FETUB: variants seen among roughly 807,000 people sequenced by gnomAD.
FETUB encodes the protein fetuin-B.
FETUB carries 28 observed loss-of-function variants against 30.9 expected under a neutral mutation model. The observed-to-expected ratio is 0.90, with a 90% CI of 0.67 to 1.24. The LOEUF (loss-of-function observed/expected upper bound fraction) is 1.24. FETUB is among the 50% of genes most tolerant of loss of function. The pLI, the probability that FETUB is intolerant of heterozygous loss-of-function variation, is 0.00. For synonymous variants in FETUB, 186 were observed against 175.9 expected (o/e 1.06, Z -0.45); for missense variants, 469 against 455.3 (o/e 1.03, Z -0.27).
chr3:186,651,542 G>T (rs1289065461), intron 6 of FETUB: 3 of 499,156 alleles, frequency 6.0e-6, no homozygotes, highest in African/African-American at 1.9e-5. Context: ...TGCTGGCTTG[G>T]ATGTGATTCA....
intron 1 of FETUB, 30 bp downstream of exon 1, chr3:186,640,715 A>T (rs371851955): frequency 4.4e-6 from 7 of 1,580,372 alleles, no homozygotes; most frequent in Admixed American, 1.7e-5. Context: ...ACTCTGGGGC[A>T]GGGATGTGGG....
At chr3:186,640,238 G>A (rs1472265784), upstream of FETUB, 5 of 575,890 alleles carry the variant, frequency 8.7e-6, no homozygotes, top group Admixed American at 6.1e-5. Flanking sequence ...TCATTTGTAT[G>A]TACAGGTGGA....
At chr3:186,651,518 C>G in intron 6 of FETUB, 1 of 531,036 alleles carries the variant, frequency 1.9e-6, no homozygotes, top group Non-Finnish European at 3.4e-6. Flanking sequence ...AAGACAAATT[C>G]AGAAACAGGG....
intron 2 of FETUB, chr3:186,641,507 G>A (rs1438715538): frequency 6.3e-6 from 1 of 159,674 alleles, no homozygotes; most frequent in African/African-American, 2.4e-5. Context: ...TGGAGGTAGA[G>A]CTTTGTCTAT....
chr3:186,637,297 A>G (rs899040171), upstream of FETUB, among the ~76,000 whole-genome samples: 5 of 152,200 alleles, frequency 3.3e-5, no homozygotes, highest in Non-Finnish European at 5.9e-5. Context: ...AGAGAGAAAC[A>G]CAGCAACTAG....
chr3:186,641,794 T>C (rs1199629250), intron 2 of FETUB, among the ~76,000 whole-genome samples: 2 of 152,218 alleles, frequency 1.3e-5, no homozygotes, highest in African/African-American at 4.8e-5. Flanking sequence ...GATGTAAGTG[T>C]TTAGAAGAAA....
In FETUB at chr3:186,652,304, A is replaced by G; in HGVS notation, c.822A>G (p.Lys274=). The G allele has an allele frequency of 6.4e-7, 1 of 1,574,692 alleles. No individual in the cohort carries two copies. Among genetic ancestry groups the G allele is most frequent in the Non-Finnish European group, 8.6e-7 (1 of 1,167,142 alleles). ...GTGAAAACTCTGCTGTTAACCAGAAACCTACAAACCTTCCCAAGGTGGAAG... is the reference window on the plus strand; with the variant it reads ...GTGAAAACTCTGCTGTTAACCAGAAGCCTACAAACCTTCCCAAGGTGGAAG... ...TGSENSAVNQ[K]PTNLPKVEES... The change falls in exon 7 of 7, where the codon AAA becomes AAG. Residue 274 remains lysine, a synonymous_variant. Transcript: ENST00000265029.
upstream of FETUB, among the ~76,000 whole-genome samples, chr3:186,636,518 G>A (rs1176461868): frequency 6.6e-6 from 1 of 152,150 alleles, no homozygotes; most frequent in East Asian, 1.9e-4. Flanking sequence ...AGGCAGATTT[G>A]CCCTAAGAAT....
chr3:186,641,104 A>G lies in FETUB; in HGVS notation c.300A>G (p.Ala100=), dbSNP rs1717017528. ...ACTGCCATGTGCTCAGAAAGAAGGC[A>G]TGGCAAGACTGTGGAATGAGGATAT... ...ETDCHVLRKK[A]WQDCGMRIFF... The change falls in exon 2 of 7, where the codon GCA becomes GCG. Residue 100 remains alanine (A), a synonymous_variant. Coordinates refer to ENST00000265029, the MANE Select transcript of FETUB (RefSeq NM_014375.3). The G allele has an allele frequency of 6.2e-6, 10 of 1,613,816 alleles. No homozygotes were observed. Among genetic ancestry groups the G allele is most frequent in the Non-Finnish European group, 8.5e-6 (10 of 1,179,702 alleles).
chr3:186,647,938 A>G (rs1465042542), intron 5 of FETUB, among the ~76,000 whole-genome samples: 1 of 152,144 alleles, frequency 6.6e-6, no homozygotes, highest in African/African-American at 2.4e-5. Context: ...CAAGATTTAC[A>G]TGTGTAAAAA....
At chr3:186,649,463 G>T (rs572668167) in intron 5 of FETUB, among the ~76,000 whole-genome samples, 7 of 151,806 alleles carry the variant, frequency 4.6e-5, no homozygotes, top group Admixed American at 1.3e-4. Context: ...GGTGGTTTTT[G>T]TTTTTTGTTT....
chr3:186,644,951 C>T lies in FETUB; in HGVS notation c.594+31C>T, dbSNP rs375848987. On this transcript the variant is annotated intron_variant, in intron 4 of 6. Transcript: ENST00000265029. ...GCTAAAACTGCCCAAGCCAGTTACA[C>T]AGTGTGTCTCATAACTGTTGCTGTA... The T allele has an allele frequency of 3.2e-6, 5 of 1,566,822 alleles. No individual in the cohort carries two copies. The African/African-American group carries it at 6.8e-5, about 21-fold the overall frequency.
At chr3:186,644,042 A>T (rs1027341832) in intron 3 of FETUB, among the ~76,000 whole-genome samples, 10 of 152,174 alleles carry the variant, frequency 6.6e-5, no homozygotes, top group Admixed American at 5.2e-4. Flanking sequence ...ATATAGTGAT[A>T]TTTCCATATA....
rs148071644 is a variant in FETUB at position 186,652,512 on chromosome 3, C to T, written c.1030C>T (p.Leu344Phe). 6.2e-7 allele frequency: 1 copy of T among 1,614,078 alleles called. No homozygotes were observed. Among genetic ancestry groups the T allele is most frequent in the African/African-American group, 1.3e-5 (1 of 74,922 alleles). The change falls in exon 7 of 7, where the codon CTC (leucine) becomes TTC (phenylalanine). Residue 344 changes from leucine to phenylalanine, a missense_variant. Physicochemically the swap from Leu to Phe is conservative, Grantham distance 22. Coordinates refer to ENST00000265029, the MANE Select transcript of FETUB (RefSeq NM_014375.3). ...PQGETLDISF[L>F]FLEPMEEKLV... The stretch of plus-strand genomic sequence containing the variant: ...GGGAGAAACCCTGGATATTTCCTTC[C>T]TCTTCCTGGAGCCTATGGAGGAGAA...
chr3:186,642,389 A>G, intron 2 of FETUB, 82 bp from the exon 3 acceptor site: 1 of 822,210 alleles, frequency 1.2e-6, no homozygotes, highest in South Asian at 1.5e-5. Flanking sequence ...TTTAAAAGAA[A>G]ATGTCTGACT....
rs750223269 is a variant in FETUB, at chr3:186,640,459, G to C, written c.-2G>C. The C allele has an allele frequency of 1.2e-6, 2 of 1,613,708 alleles. No individual in the cohort carries two copies. Among genetic ancestry groups the C allele is most frequent in the East Asian group, 4.5e-5 (2 of 44,870 alleles). On this transcript the variant is annotated 5_prime_UTR_variant, in exon 1 of 7. Coordinates refer to ENST00000265029, the MANE Select transcript of FETUB (RefSeq NM_014375.3). ...CCCATCCTGGGCCTTGTTCTCCACA[G>C]AATGGGTCTGCTCCTTCCCCTGGCA...
At chr3:186,651,501 A>G in intron 6 of FETUB, 200 bp downstream of exon 6, 1 of 553,392 alleles carries the variant, frequency 1.8e-6, no homozygotes, top group Non-Finnish European at 3.2e-6. Context: ...GGTCCTGCAG[A>G]ATAAGCAAGA....
intron 5 of FETUB, among the ~76,000 whole-genome samples, chr3:186,649,271 C>CT (rs55764523): frequency 0.16 from 24,703 of 152,090 alleles, 2,129 homozygotes; most frequent in East Asian, 0.24. Flanking sequence ...AATTTCTAGT[C>CT]TTTTTTTCAT....
At chr3:186,638,080 T>C (rs1716828970), upstream of FETUB, among the ~76,000 whole-genome samples, 1 of 152,230 alleles carries the variant, frequency 6.6e-6, no homozygotes, top group Non-Finnish European at 1.5e-5. Context: ...GATTGACAGG[T>C]TAAGCAAAAT....
Sources: allele counts gnomAD v4.1 joint callset (sites outside exome capture counted in the v4.1 genomes callset), GRCh38; gene constraint gnomAD v4.1.1; transcripts MANE v1.5; gene names NCBI Gene and HGNC (gene_info 2026-07-23, HGNC 2026-07-21).